IGF2BP3: variants seen among roughly 807,000 people sequenced by gnomAD.
The protein encoded by IGF2BP3 is insulin-like growth factor 2 mRNA-binding protein 3.
IGF2BP3 carries 9 observed loss-of-function variants against 73.8 expected under a neutral mutation model. That is an observed-to-expected ratio of 0.12 (90% CI 0.07 to 0.21). The LOEUF is 0.21. Among genes scored for constraint, IGF2BP3 ranks in the 10% least tolerant of loss-of-function variants. The pLI, the probability that IGF2BP3 is intolerant of heterozygous loss-of-function variation, is 1.00. For missense variants in IGF2BP3, 542 were observed against 714.0 expected (o/e 0.76, Z 2.75); for synonymous variants, 258 against 256.7 (o/e 1.01, Z -0.05).
chr7:23,334,470 C>T lies in IGF2BP3; in HGVS notation c.1203+7594G>A, dbSNP rs988930585. On this transcript the variant is annotated intron_variant, in intron 10 of 14. Transcript: ENST00000258729. ...CAGCAGGCAGAGCAAAAGTTATAAG[C>T]CTTTTTCACCTGAATTTAAGTCTAT... 3.9e-5 allele frequency among the ~76,000 whole-genome samples: 6 copies of T among 152,226 alleles called. No homozygotes were observed. In the South Asian group the frequency reaches 1.2e-3, roughly 32 times the overall value.
chr7:23,316,456 C>CG (rs1783990278), intron 12 of IGF2BP3, among the ~76,000 whole-genome samples: 1 of 151,834 alleles, frequency 6.6e-6, no homozygotes, highest in Admixed American at 6.6e-5. Flanking sequence ...CTAAGGTGGG[C>CG]GGATCACTTG....
intron 12 of IGF2BP3, among the ~76,000 whole-genome samples, chr7:23,315,210 T>G (rs1384742935): frequency 1.3e-5 from 2 of 151,464 alleles, no homozygotes; most frequent in Non-Finnish European, 2.9e-5. Context: ...TGGGTTCAAG[T>G]GACTCTCCTG....
chr7:23,442,338 G>A (rs2128545442), intron 2 of IGF2BP3, among the ~76,000 whole-genome samples: 1 of 152,214 alleles, frequency 6.6e-6, no homozygotes, highest in Non-Finnish European at 1.5e-5. Context: ...TATCAGTTGT[G>A]TAACGGATTA....
intron 8 of IGF2BP3, 121 bp from the exon 9 acceptor site, chr7:23,343,974 G>A: frequency 5.7e-6 from 5 of 884,568 alleles, no homozygotes; most frequent in South Asian, 1.8e-5. Flanking sequence ...AAAAGTGGGT[G>A]GTAAAACATG....
intron 2 of IGF2BP3, among the ~76,000 whole-genome samples, chr7:23,427,228 T>C (rs1787538251): frequency 6.6e-6 from 1 of 152,004 alleles, no homozygotes; most frequent in Non-Finnish European, 1.5e-5. Flanking sequence ...TAAATATAGG[T>C]GTATGAGGGT....
At chr7:23,379,744 T>C (rs1380854606) in intron 3 of IGF2BP3, among the ~76,000 whole-genome samples, 1 of 152,248 alleles carries the variant, frequency 6.6e-6, no homozygotes, top group African/African-American at 2.4e-5. Context: ...CCCATGTGCC[T>C]GCTTCTGTCC....
At chr7:23,374,012 G>A (rs1583954485) in intron 3 of IGF2BP3, among the ~76,000 whole-genome samples, 1 of 152,196 alleles carries the variant, frequency 6.6e-6, no homozygotes, top group African/African-American at 2.4e-5. Flanking sequence ...GCAGATGCTG[G>A]AGCCATGCTG....
At position 23,433,856 on chromosome 7, in the gene IGF2BP3, T is replaced by G. The variant is rs150250530; in HGVS notation, c.237-15032A>C. Among the ~76,000 whole-genome samples the G allele has an allele frequency of 3.3e-5, 5 of 152,154 alleles. No individual in the cohort carries two copies. The East Asian group carries it at 7.7e-4, about 24-fold the overall frequency. ...TTGGGAGGCCGAGGCGGGAGGATCATCTGAGATCAAGAGTTCAAGACCAGT... is the reference window on the plus strand; with the variant it reads ...TTGGGAGGCCGAGGCGGGAGGATCAGCTGAGATCAAGAGTTCAAGACCAGT... On this transcript the variant is annotated intron_variant, in intron 2 of 14. Transcript: ENST00000258729.
At chr7:23,373,616 G>C (rs1036837870) in intron 3 of IGF2BP3, among the ~76,000 whole-genome samples, 1 of 152,180 alleles carries the variant, frequency 6.6e-6, no homozygotes, top group Non-Finnish European at 1.5e-5. Flanking sequence ...AAATGGTGCA[G>C]CTGCTATGAA....
intron 10 of IGF2BP3, among the ~76,000 whole-genome samples, chr7:23,329,857 CA>C (rs1027871497): frequency 1.3e-5 from 2 of 152,142 alleles, no homozygotes; most frequent in African/African-American, 4.8e-5. Flanking sequence ...AAAACTGAGC[CA>C]GAGAGGTTAA....
At chr7:23,388,404 A>G (rs943132977) in intron 3 of IGF2BP3, among the ~76,000 whole-genome samples, 1 of 152,212 alleles carries the variant, frequency 6.6e-6, no homozygotes, top group African/African-American at 2.4e-5. Context: ...ACAGGAGGAA[A>G]AAACCAAAAC....
At chr7:23,351,727 G>T in intron 5 of IGF2BP3, 141 bp from the exon 6 acceptor site, 1 of 794,508 alleles carries the variant, frequency 1.3e-6, no homozygotes, top group Non-Finnish European at 2.0e-6. Context: ...CAGCAAACCC[G>T]CAACACACAT....
chr7:23,319,816 A>C (rs1385330965), intron 10 of IGF2BP3, among the ~76,000 whole-genome samples: 1 of 152,204 alleles, frequency 6.6e-6, no homozygotes, highest in African/African-American at 2.4e-5. Flanking sequence ...ACATCCAAGC[A>C]CAGGACAGGA....
chr7:23,390,844 G>A (rs1786250482), intron 3 of IGF2BP3, among the ~76,000 whole-genome samples: 1 of 150,110 alleles, frequency 6.7e-6, no homozygotes, highest in African/African-American at 2.5e-5. Context: ...TGTTGCCCAG[G>A]CTGGAGTGCA....
intron 5 of IGF2BP3, among the ~76,000 whole-genome samples, chr7:23,359,325 T>C (rs572133147): frequency 6.6e-6 from 1 of 152,230 alleles, no homozygotes; most frequent in Non-Finnish European, 1.5e-5. Flanking sequence ...CCAAAGTTCA[T>C]CTTATGCCTC....
intron 8 of IGF2BP3, among the ~76,000 whole-genome samples, chr7:23,345,040 T>TC (rs1784797419): frequency 6.6e-6 from 1 of 152,322 alleles, no homozygotes; most frequent in South Asian, 2.1e-4. Context: ...GGGGTTTTTT[T>TC]CCCCCTTTCT....
intron 13 of IGF2BP3, 48 bp downstream of exon 13, chr7:23,313,474 A>G (rs1783889721): frequency 6.3e-6 from 10 of 1,597,044 alleles, no homozygotes; most frequent in Non-Finnish European, 8.5e-6. Flanking sequence ...AGTACCTTTC[A>G]ACGCTTTCCC....
intron 3 of IGF2BP3, among the ~76,000 whole-genome samples, chr7:23,398,371 A>G (rs1225240625): frequency 2.6e-5 from 4 of 152,206 alleles, no homozygotes; most frequent in East Asian, 1.9e-4. Context: ...CACAATAAAC[A>G]TATGTGTGCA....
At chr7:23,446,319 T>C (rs1170199909) in intron 2 of IGF2BP3, among the ~76,000 whole-genome samples, 1 of 152,006 alleles carries the variant, frequency 6.6e-6, no homozygotes, top group Non-Finnish European at 1.5e-5. Context: ...CCCAGCACTT[T>C]GGGAGACCAA....
Sources: gnomAD v4.1 joint callset for allele counts (sites outside exome capture counted in the v4.1 genomes callset) on GRCh38, gnomAD v4.1.1 for gene constraint, MANE v1.5 for transcripts, NCBI Gene and HGNC (gene_info 2026-07-23, HGNC 2026-07-21) for gene names.